FBXO31: variants seen among roughly 807,000 people sequenced by gnomAD.
FBXO31 encodes the protein F-box only protein 31.
In FBXO31, 24 loss-of-function variants were observed where a neutral mutation model predicts 54.4. The ratio of observed to expected loss-of-function variants is 0.44; its 90% CI spans 0.32 to 0.62. FBXO31 has a LOEUF of 0.62. Ranked by LOEUF, FBXO31 falls within the 20% of genes least tolerant of loss-of-function variation. The probability of loss-of-function intolerance (pLI) is 0.05; values close to 1 mark genes in which losing one functional copy is unlikely to be tolerated. For synonymous variants in FBXO31, 388 were observed against 335.6 expected (o/e 1.16, Z -1.71); for missense variants, 665 against 787.1 (o/e 0.84, Z 1.86).
intron 1 of FBXO31, among the ~76,000 whole-genome samples, chr16:87,365,088 G>A (rs1210095038): frequency 4.5e-5 from 6 of 133,824 alleles, no homozygotes; most frequent in Non-Finnish European, 9.4e-5. Context: ...GGATATAAAG[G>A]TCTTTGCAGT....
chr16:87,360,769 C>T (rs1906096759), intron 1 of FBXO31, among the ~76,000 whole-genome samples: 1 of 152,208 alleles, frequency 6.6e-6, no homozygotes, highest in South Asian at 2.1e-4. Flanking sequence ...TGCCAGAGGC[C>T]AGTCCACCCC....
At chr16:87,382,696 G>A (rs564305326) in intron 1 of FBXO31, among the ~76,000 whole-genome samples, 4 of 152,288 alleles carry the variant, frequency 2.6e-5, no homozygotes, top group African/African-American at 7.2e-5. Context: ...CAATGGCCCA[G>A]ATGTTGGCTC....
At chr16:87,352,834 C>T (rs1407556090) in intron 2 of FBXO31, among the ~76,000 whole-genome samples, 1 of 152,192 alleles carries the variant, frequency 6.6e-6, no homozygotes, top group South Asian at 2.1e-4. Context: ...TGGGAAAGTA[C>T]CGTGAAAGGT....
upstream of FBXO31, among the ~76,000 whole-genome samples, chr16:87,390,759 C>T (rs1907507228): frequency 6.6e-6 from 1 of 152,158 alleles, no homozygotes; most frequent in African/African-American, 2.4e-5. Context: ...TATTTTCATA[C>T]TTTTTTTCTT....
Position 87,344,322 on chromosome 16 carries a change from G to A in FBXO31, c.490-557C>T, listed in dbSNP as rs940682216. On this transcript the variant is annotated intron_variant, in intron 3 of 8. Coordinates refer to ENST00000311635, the MANE Select transcript of FBXO31 (RefSeq NM_024735.5). ...GGGAGGAGAGAGACGCCAAGACCCCGGGAGGGGCGCTCAGGAGCGGGAAGA... is the reference window on the plus strand; with the variant it reads ...GGGAGGAGAGAGACGCCAAGACCCCAGGAGGGGCGCTCAGGAGCGGGAAGA... Among the ~76,000 whole-genome samples the A allele has an allele frequency of 8.5e-5, 13 of 152,252 alleles. 1 individual carries two copies. The highest frequency in any genetic ancestry group is 3.9e-4 in the East Asian group (2 of 5,194).
In FBXO31 at chr16:87,346,932, C is replaced by T. The variant is rs1567618099; in HGVS notation, c.489+242G>A. Among the ~76,000 whole-genome samples the T allele has an allele frequency of 6.6e-6, 1 of 152,212 alleles. No homozygotes were observed. The highest frequency in any genetic ancestry group is 1.5e-5 in the Non-Finnish European group (1 of 68,038). On this transcript the variant is annotated intron_variant, in intron 3 of 8. Coordinates refer to ENST00000311635, the MANE Select transcript of FBXO31 (RefSeq NM_024735.5). This position sits in a 1 kb window ranked among gnomAD's most constrained non-coding sequence, Gnocchi z 4.2. Reference sequence around the variant, plus strand: ...GGAAGCAAAGGCCCTCACAAGCCACCCCCTCAGACCAGAGAGTCCAAGGAC... The same window carrying T: ...GGAAGCAAAGGCCCTCACAAGCCACTCCCTCAGACCAGAGAGTCCAAGGAC...
At chr16:87,378,094 G>C (rs1337362959) in intron 1 of FBXO31, among the ~76,000 whole-genome samples, 11 of 151,848 alleles carry the variant, frequency 7.2e-5, no homozygotes, top group African/African-American at 2.7e-4. Flanking sequence ...GGGAGGCAGA[G>C]GTTGCGGTGA....
rs1235228008 is a variant in FBXO31 at position 87,345,915 on chromosome 16, G to C, written c.489+1259C>G. 3.9e-5 allele frequency among the ~76,000 whole-genome samples: 6 copies of C among 152,224 alleles called. No homozygotes were observed. Among genetic ancestry groups the C allele is most frequent in the Non-Finnish European group, 8.8e-5 (6 of 68,050 alleles). On this transcript the variant is annotated intron_variant, in intron 3 of 8. Coordinates refer to ENST00000311635, the MANE Select transcript of FBXO31 (RefSeq NM_024735.5). This position sits in a 1 kb window ranked among gnomAD's most constrained non-coding sequence, Gnocchi z 4.9. The stretch of plus-strand genomic sequence containing the variant: ...AGGACTACCGCCGCCAAACGCCAAA[G>C]ATGGCAACCAGAGAACACAGCCCCA...
At chr16:87,360,697 T>C (rs944591677) in intron 1 of FBXO31, among the ~76,000 whole-genome samples, 3 of 152,260 alleles carry the variant, frequency 2.0e-5, no homozygotes, top group African/African-American at 7.2e-5. Flanking sequence ...AATTCAGTTG[T>C]CTGGACACAG....
In FBXO31 at chr16:87,335,412, G is replaced by A. The variant is rs774759669; in HGVS notation, c.888C>T (p.Pro296=). The change falls in exon 7 of 9, where the codon CCC becomes CCT. Residue 296 remains proline, a synonymous_variant. Transcript: ENST00000311635. The surrounding 1 kb of genome is among the most constrained non-coding windows in gnomAD (Gnocchi z 5.7). ...AGAGGCCAGGCTTGATGAGGTCGTC[G>A]GGGCGGCTGGGCGGCAGGTAGATGC... is the stretch of plus-strand genomic sequence containing the variant. ...YRRIYLPPSR[P]DDLIKPGLFK... is the part of the protein sequence containing the mutation. 1.2e-5 allele frequency: 19 copies of A among 1,613,742 alleles called. No individual in the cohort carries two copies. The South Asian group carries it at 1.6e-4, about 14-fold the overall frequency.
Position 87,338,609 on chromosome 16 carries a change from A to G in FBXO31, c.733-2345T>C, listed in dbSNP as rs1274869177. On this transcript the variant is annotated intron_variant, in intron 5 of 8. Transcript: ENST00000311635. The surrounding 1 kb of genome is among the most constrained non-coding windows in gnomAD (Gnocchi z 4.3). ...GGACCCACGGCTGAGGGAACCCACA[A>G]CCCTGGGAACATCATCAGATCATGC... Among the ~76,000 whole-genome samples, 1 of 152,024 alleles carries G rather than the reference A, an allele frequency of 6.6e-6. No individual in the cohort carries two copies. Among genetic ancestry groups the G allele is most frequent in the Non-Finnish European group, 1.5e-5 (1 of 67,996 alleles).
chr16:87,381,882 G>A (rs747735848), intron 1 of FBXO31, among the ~76,000 whole-genome samples: 6 of 151,924 alleles, frequency 3.9e-5, no homozygotes, highest in Non-Finnish European at 8.8e-5. Context: ...AAATTAGCCG[G>A]GCACGGTGGC....
At chr16:87,378,940 C>T (rs35560915) in intron 1 of FBXO31, among the ~76,000 whole-genome samples, 63,089 of 144,410 alleles carry the variant, frequency 0.44, 16,375 homozygotes, top group East Asian at 1. Context: ...CCAGCCAGGG[C>T]GACAAAGCAA....
At chr16:87,364,686 G>A (rs1405123582) in intron 1 of FBXO31, among the ~76,000 whole-genome samples, 1 of 152,090 alleles carries the variant, frequency 6.6e-6, no homozygotes, top group African/African-American at 2.4e-5. Flanking sequence ...TGAACTCCGG[G>A]AGGAAATCCC....
Position 87,358,918 on chromosome 16 carries a change from G to C in FBXO31, c.412+1377C>G, listed in dbSNP as rs141526228. 5.3e-5 allele frequency among the ~76,000 whole-genome samples: 8 copies of C among 152,210 alleles called. 1 individual carries two copies. The Middle Eastern group carries it at 0.02, about 388-fold the overall frequency. On this transcript the variant is annotated intron_variant, in intron 2 of 8. Transcript: ENST00000311635. The surrounding 1 kb of genome is among the most constrained non-coding windows in gnomAD (Gnocchi z 4.0). ...ACTCACTTTGCCCAGCACCCACCTG[G>C]CGTTTCCCAGCCTGCTAACTCAGGC...
At chr16:87,351,883 T>C (rs902077473) in intron 2 of FBXO31, among the ~76,000 whole-genome samples, 1 of 151,616 alleles carries the variant, frequency 6.6e-6, no homozygotes, top group African/African-American at 2.4e-5. Flanking sequence ...ACAACAAAAA[T>C]ATATATATAC....
chr16:87,371,874 C>T (rs1906617049), intron 1 of FBXO31, among the ~76,000 whole-genome samples: 1 of 152,070 alleles, frequency 6.6e-6, no homozygotes, highest in Admixed American at 6.5e-5. Context: ...CTTCCGGGTG[C>T]CAGATTCACT....
At chr16:87,340,502 T>C (rs932017474) in intron 5 of FBXO31, among the ~76,000 whole-genome samples, 2 of 152,204 alleles carry the variant, frequency 1.3e-5, no homozygotes, top group South Asian at 4.1e-4. Flanking sequence ...GGCTAAGCCT[T>C]ACATTTCACA....
intron 3 of FBXO31, among the ~76,000 whole-genome samples, chr16:87,344,695 T>C (rs1905303909): frequency 6.6e-6 from 1 of 151,872 alleles, no homozygotes; most frequent in Admixed American, 6.5e-5. Context: ...TTACCCTTCC[T>C]CCACTAAAAG....
Sources: gnomAD v4.1 joint callset for allele counts (sites outside exome capture counted in the v4.1 genomes callset) on GRCh38, gnomAD v4.1.1 for gene constraint, Gnocchi (gnomAD v3.1) non-coding constraint, MANE v1.5 for transcripts, NCBI Gene and HGNC (gene_info 2026-07-23, HGNC 2026-07-21) for gene names.